The following HNRNPD variants were observed in gnomAD, a reference collection of about 807,000 sequenced individuals.
The protein encoded by HNRNPD is heterogeneous nuclear ribonucleoprotein D.
Under a neutral mutation model 47.9 loss-of-function variants are expected in HNRNPD, and 3 were observed. That is an observed-to-expected ratio of 0.06 (90% CI 0.03 to 0.16). The LOEUF is 0.16. Ranked by LOEUF, HNRNPD falls within the 10% of genes least tolerant of loss-of-function variation. The pLI, the probability that HNRNPD is intolerant of heterozygous loss-of-function variation, is 1.00. For synonymous variants in HNRNPD, 171 were observed against 165.1 expected (o/e 1.04, Z -0.28); for missense variants, 287 against 454.2 (o/e 0.63, Z 3.35).
chr4:82,362,141 C>T (rs958870794), intron 2 of HNRNPD, among the ~76,000 whole-genome samples: 6 of 152,174 alleles, frequency 3.9e-5, no homozygotes, highest in African/African-American at 1.2e-4. Context: ...TAATTTAACA[C>T]TATGGCTCAG....
chr4:82,370,981 TACACACAC>T (rs1553896641), intron 2 of HNRNPD, among the ~76,000 whole-genome samples: 2 of 149,462 alleles, frequency 1.3e-5, no homozygotes, highest in African/African-American at 2.5e-5. Context: ...GGTATATATA[TACACACAC>T]ACACACACAC....
Position 82,373,761 on chromosome 4 carries a change from G to A in HNRNPD, c.-83C>T. 1 of 1,526,504 alleles carries A rather than the reference G, an allele frequency of 6.6e-7. No individual in the cohort carries two copies. The highest frequency in any genetic ancestry group is 8.7e-7 in the Non-Finnish European group (1 of 1,143,544). 94.6% of individuals were successfully genotyped at this position (1,526,504 alleles called of 1,614,324 possible). A position where few individuals can be genotyped will look rare whatever the true frequency, so the allele number is the denominator to read the frequency against. ...AACTAGCAGCAAAGTAATCCCCGCC[G>A]CTGCCGCGCGCCCGCTCTACCTCGC... On this transcript the variant is annotated 5_prime_UTR_variant, in exon 1 of 9. Transcript: ENST00000313899.
At chr4:82,362,577 T>G (rs1027633305) in intron 2 of HNRNPD, among the ~76,000 whole-genome samples, 4 of 152,140 alleles carry the variant, frequency 2.6e-5, no homozygotes, top group Non-Finnish European at 1.5e-5. Flanking sequence ...AAATGGAACA[T>G]ATTAATTCCA....
chr4:82,370,082 C>T (rs1197091691), intron 2 of HNRNPD, among the ~76,000 whole-genome samples: 1 of 152,142 alleles, frequency 6.6e-6, no homozygotes, highest in Non-Finnish European at 1.5e-5. Flanking sequence ...GTGGAGGTTG[C>T]GCTGAGCCAA....
intron 2 of HNRNPD, among the ~76,000 whole-genome samples, chr4:82,366,262 G>C (rs966874504): frequency 6.6e-6 from 1 of 152,054 alleles, no homozygotes; most frequent in Non-Finnish European, 1.5e-5. Context: ...TTTTGGGAGG[G>C]GGACAGAGTC....
Position 82,359,613 on chromosome 4 carries a change from C to A in HNRNPD, c.317G>T (p.Trp106Leu). 1 of 1,570,544 alleles carries A rather than the reference C, an allele frequency of 6.4e-7. No individual in the cohort carries two copies. The highest frequency in any genetic ancestry group is 8.7e-7 in the Non-Finnish European group (1 of 1,149,016). The change falls in exon 3 of 9, where the codon TGG becomes TTG. Residue 106 changes from tryptophan (W) to leucine (L), a missense_variant. Physicochemically the swap from Trp to Leu is moderately conservative, Grantham distance 61 (BLOSUM62 -2). This residue lies in a region of HNRNPD where 22 missense variants were observed against 74.6 expected (regional missense o/e 0.30). Coordinates refer to ENST00000313899, the MANE Select transcript of HNRNPD (RefSeq NM_031370.3). ...CTTCAGATCTTTCTTTGTAGTGTCC[C>A]AGCTAAGGCCTCCTATAAACATTTT... ...EWKMFIGGLSWDTTKKDLKDY... is the reference protein window; with the variant it reads ...EWKMFIGGLSLDTTKKDLKDY...
At chr4:82,366,572 T>G (rs1319242591) in intron 2 of HNRNPD, among the ~76,000 whole-genome samples, 1 of 151,892 alleles carries the variant, frequency 6.6e-6, no homozygotes, top group African/African-American at 2.4e-5. Flanking sequence ...ATAAACTTTT[T>G]TTTTCTTTTT....
At chr4:82,363,679 T>TA (rs535909144) in intron 2 of HNRNPD, among the ~76,000 whole-genome samples, 17 of 152,206 alleles carry the variant, frequency 1.1e-4, no homozygotes, top group Non-Finnish European at 1.8e-4. Context: ...TGTATTTTAT[T>TA]AACATAGTTG....
At chr4:82,367,210 A>C (rs1719810419) in intron 2 of HNRNPD, among the ~76,000 whole-genome samples, 1 of 152,014 alleles carries the variant, frequency 6.6e-6, no homozygotes, top group South Asian at 2.1e-4. Flanking sequence ...ACTTCACTAC[A>C]AGGAAGCAAT....
chr4:82,366,606 G>A (rs145775375), intron 2 of HNRNPD, among the ~76,000 whole-genome samples: 3,895 of 151,778 alleles, frequency 0.026, 144 homozygotes, highest in African/African-American at 0.073. Context: ...TTGCTCTGTT[G>A]CCCAAGCTGG....
chr4:82,355,713 A>C, intron 7 of HNRNPD: 1 of 348,752 alleles, frequency 2.9e-6, no homozygotes, highest in Non-Finnish European at 5.2e-6. Context: ...CCAGCAAAAA[A>C]TATCTTAAAA....
chr4:82,365,131 T>A (rs919472907), intron 2 of HNRNPD, among the ~76,000 whole-genome samples: 2 of 152,174 alleles, frequency 1.3e-5, no homozygotes, highest in African/African-American at 4.8e-5. Context: ...GACATAGCGA[T>A]CAGCCTCCCA....
chr4:82,373,402 G>A (rs756840426), intron 1 of HNRNPD, 44 bp downstream of exon 1: 21 of 1,528,884 alleles, frequency 1.4e-5, no homozygotes, highest in East Asian at 2.4e-5. Flanking sequence ...AGAGGGGGAG[G>A]GGGACTAGTT....
intron 2 of HNRNPD, among the ~76,000 whole-genome samples, chr4:82,363,873 T>C (rs1425570203): frequency 6.6e-6 from 1 of 152,228 alleles, no homozygotes; most frequent in African/African-American, 2.4e-5. Context: ...CCAAGTGATA[T>C]GCAGTATCAT....
intron 1 of HNRNPD, among the ~76,000 whole-genome samples, chr4:82,372,373 T>G (rs1720089330): frequency 6.6e-6 from 1 of 152,060 alleles, no homozygotes; most frequent in Non-Finnish European, 1.5e-5. Flanking sequence ...AGGAAGCAAG[T>G]TAATACTAAG....
rs1255314205 is a variant in HNRNPD at position 82,373,691 on chromosome 4, TCCGCCGCTGCCGCCGAGACTACAC to T, written c.-37_-14del. On this transcript the variant is annotated 5_prime_UTR_variant, in exon 1 of 9. Transcript: ENST00000313899. ...GCTCCTCCGACATAGTGCTAGTGTC[TCCGCCGCTGCCGCCGAGACTACAC>T]CCGCCGCTGCCGCGAACCGAAACTA... 150 of 1,493,126 alleles carry T rather than the reference TCCGCCGCTGCCGCCGAGACTACAC, an allele frequency of 1.0e-4. No homozygotes were observed. The highest frequency in any genetic ancestry group is 1.1e-4 in the South Asian group (9 of 82,362). The allele number at this position is 1,493,126 out of a possible 1,614,324, so 92.5% of individuals were successfully genotyped here. A position where few individuals can be genotyped will look rare whatever the true frequency, so the allele number is the denominator to read the frequency against.
rs1182959249 is a variant in HNRNPD at position 82,353,452 on chromosome 4, TTTTA to T, written c.*729_*732del. ...TTATAATTAACAGATTTTAAGTCCT[TTTTA>T]TTTAATGGAAGCATAAAACATTAAC... On this transcript the variant is annotated 3_prime_UTR_variant, in exon 9 of 9. Coordinates refer to ENST00000313899, the MANE Select transcript of HNRNPD (RefSeq NM_031370.3). 1 of 152,540 alleles carries T rather than the reference TTTTA, an allele frequency of 6.6e-6. No individual in the cohort carries two copies. The highest frequency in any genetic ancestry group is 1.5e-5 in the Non-Finnish European group (1 of 68,028). 9.4% of individuals were successfully genotyped at this position (152,540 alleles called of 1,614,324 possible).
chr4:82,372,962 CAT>C (rs1344006619), intron 1 of HNRNPD, among the ~76,000 whole-genome samples: 1 of 152,224 alleles, frequency 6.6e-6, no homozygotes, highest in African/African-American at 2.4e-5. Flanking sequence ...TTCCCCAAAA[CAT>C]GTGCTTATAA....
chr4:82,373,282 G>A, intron 1 of HNRNPD, 164 bp downstream of exon 1: 2 of 927,492 alleles, frequency 2.2e-6, no homozygotes, highest in African/African-American at 1.7e-5. Context: ...AGAAGGAAAT[G>A]AAGGTCCGGG....
Sources: gnomAD v4.1 joint callset for allele counts (sites outside exome capture counted in the v4.1 genomes callset) on GRCh38, gnomAD v4.1.1 for gene constraint, gnomAD v4.1.1 regional missense constraint, MANE v1.5 for transcripts, NCBI Gene and HGNC (gene_info 2026-07-23, HGNC 2026-07-21) for gene names.